The following GRID1 variants were observed in gnomAD, a reference collection of about 807,000 sequenced individuals.
GRID1 encodes glutamate ionotropic receptor delta type subunit 1.
In GRID1, 28 loss-of-function variants were observed where a neutral mutation model predicts 98.0. The ratio of observed to expected loss-of-function variants is 0.29; its 90% confidence interval spans 0.21 to 0.39. The LOEUF is 0.39. GRID1 is among the 10% of genes least tolerant of loss of function. GRID1 has a pLI of 1.00. For missense variants in GRID1, 1,111 were observed against 1,340.5 expected (o/e 0.83, Z 2.67); for synonymous variants, 553 against 538.5 (o/e 1.03, Z -0.37).
chr10:85,645,122 T>C (rs1319328067), intron 13 of GRID1, among the ~76,000 whole-genome samples: 1 of 152,204 alleles, frequency 6.6e-6, no homozygotes. Flanking sequence ...TTGTAATGAA[T>C]AGAACTTTAA....
intron 4 of GRID1, among the ~76,000 whole-genome samples, chr10:85,950,274 G>A (rs1030746671): frequency 6.6e-6 from 1 of 152,140 alleles, no homozygotes; most frequent in Non-Finnish European, 1.5e-5. Flanking sequence ...AAGCAGTGGA[G>A]GAAATGCCGC....
chr10:85,692,769 A>C (rs542399386), intron 12 of GRID1, among the ~76,000 whole-genome samples: 27 of 152,322 alleles, frequency 1.8e-4, no homozygotes, highest in Non-Finnish European at 2.9e-4. Context: ...ATAGAAAATC[A>C]TAAGAAAAAA....
At chr10:85,926,881 G>T (rs1841781408) in intron 4 of GRID1, among the ~76,000 whole-genome samples, 1 of 152,160 alleles carries the variant, frequency 6.6e-6, no homozygotes, top group Non-Finnish European at 1.5e-5. Flanking sequence ...TAGCCATAAA[G>T]ATTTCTTAAT....
chr10:86,319,959 A>G (rs142637700), intron 2 of GRID1, among the ~76,000 whole-genome samples: 3 of 152,384 alleles, frequency 2.0e-5, no homozygotes, highest in East Asian at 1.9e-4. Context: ...ATGCAATTAC[A>G]TGTTCAAACC....
At position 85,664,320 on chromosome 10, in the gene GRID1, C is replaced by T. The variant is rs370674253; in HGVS notation, c.1998-16923G>A. 1.2e-4 allele frequency among the ~76,000 whole-genome samples: 19 copies of T among 152,214 alleles called. No individual in the cohort carries two copies. In the South Asian group the frequency reaches 2.3e-3, roughly 18 times the overall value. On this transcript the variant is annotated intron_variant, in intron 12 of 15. Transcript: ENST00000327946. ...TCTATTGTCCAATGAGGAACCCAGG[C>T]ATATGAGATAGGTGACTTGTCTGTG...
chr10:85,988,922 G>A (rs1324293828), intron 4 of GRID1, among the ~76,000 whole-genome samples: 1 of 152,212 alleles, frequency 6.6e-6, no homozygotes, highest in Non-Finnish European at 1.5e-5. Context: ...GAGGAGGCAG[G>A]GCACACCTTT....
chr10:85,780,605 C>G (rs1018738926), intron 8 of GRID1, among the ~76,000 whole-genome samples: 3 of 152,192 alleles, frequency 2.0e-5, no homozygotes, highest in Non-Finnish European at 4.4e-5. Context: ...TTTCGAAATG[C>G]CTGGCACACC....
At chr10:86,302,234 C>T (rs943959580) in intron 2 of GRID1, among the ~76,000 whole-genome samples, 8 of 152,240 alleles carry the variant, frequency 5.3e-5, no homozygotes, top group Non-Finnish European at 7.3e-5. Flanking sequence ...AGACTCACTC[C>T]ACAGGGGCCA....
chr10:85,885,039 GA>G (rs1448185125), intron 5 of GRID1, among the ~76,000 whole-genome samples: 1 of 152,126 alleles, frequency 6.6e-6, no homozygotes, highest in South Asian at 2.1e-4. Flanking sequence ...TAAAATATGA[GA>G]AATTGCTTCA....
At chr10:86,305,138 G>A (rs2132084396) in intron 2 of GRID1, among the ~76,000 whole-genome samples, 1 of 151,588 alleles carries the variant, frequency 6.6e-6, no homozygotes, top group Admixed American at 6.6e-5. Flanking sequence ...TGTCCCCTGA[G>A]GAAGAAAGAA....
At chr10:85,706,750 G>A (rs1414634708) in intron 12 of GRID1, among the ~76,000 whole-genome samples, 2 of 152,120 alleles carry the variant, frequency 1.3e-5, no homozygotes, top group African/African-American at 4.8e-5. Context: ...CATGGTACTG[G>A]TACCAAAACA....
At chr10:85,816,616 C>T (rs554263924) in intron 8 of GRID1, among the ~76,000 whole-genome samples, 33 of 152,268 alleles carry the variant, frequency 2.2e-4, no homozygotes, top group African/African-American at 7.9e-4. Flanking sequence ...ATACATGACA[C>T]TGTGCATTTG....
chr10:85,988,261 G>T (rs138814786), intron 4 of GRID1, among the ~76,000 whole-genome samples: 1 of 152,130 alleles, frequency 6.6e-6, no homozygotes, highest in African/African-American at 2.4e-5. Flanking sequence ...TGATTAATCT[G>T]TCTGATCCTC....
At chr10:86,288,065 A>G (rs1245870076) in intron 2 of GRID1, among the ~76,000 whole-genome samples, 1 of 152,184 alleles carries the variant, frequency 6.6e-6, no homozygotes, top group Non-Finnish European at 1.5e-5. Flanking sequence ...CTCCTGGGGA[A>G]AAGGCAGCAG....
At chr10:85,607,276 T>C (rs1842680634) in intron 15 of GRID1, 1 of 152,262 alleles carries the variant, frequency 6.6e-6, no homozygotes, top group South Asian at 2.1e-4. Flanking sequence ...GAACAGACTT[T>C]GCTTGGAGTC....
chr10:85,853,313 C>T (rs1262837558), intron 8 of GRID1, among the ~76,000 whole-genome samples: 2 of 152,240 alleles, frequency 1.3e-5, no homozygotes, highest in Non-Finnish European at 2.9e-5. Context: ...CCAATGGTGA[C>T]ATCAGGCTAG....
chr10:85,993,647 GAGA>G lies in GRID1; in HGVS notation c.727-77411_727-77409del, dbSNP rs1421560946. 7.2e-5 allele frequency among the ~76,000 whole-genome samples: 11 copies of G among 152,268 alleles called. No individual in the cohort carries two copies. The East Asian group carries it at 1.2e-3, about 16-fold the overall frequency. ...AGCCAGGGCCCATGACTAGTAATAAGAGAAGAAGAAGGAGAAGAAAATGATGAA... is the reference window on the plus strand; with the variant it reads ...AGCCAGGGCCCATGACTAGTAATAAGAGAAGAAGGAGAAGAAAATGATGAA... On this transcript the variant is annotated intron_variant, in intron 4 of 15. Coordinates refer to ENST00000327946, the MANE Select transcript of GRID1 (RefSeq NM_017551.3).
Position 86,264,653 on chromosome 10 carries a change from G to A in GRID1, c.236-58005C>T, listed in dbSNP as rs1317781720. 8 of 465,400 alleles carry A rather than the reference G, an allele frequency of 1.7e-5. No individual in the cohort carries two copies. The East Asian group carries it at 4.8e-4, about 28-fold the overall frequency. 28.8% of individuals were successfully genotyped at this position (465,400 alleles called of 1,614,324 possible). A position where few individuals can be genotyped will look rare whatever the true frequency, so the allele number is the denominator to read the frequency against. ...GGAGGTAGGTTGGGAGCGAAGTGGT[G>A]AGTCTGTAACCAGAGAGAAGAGCCA... On this transcript the variant is annotated intron_variant, in intron 2 of 15. Coordinates refer to ENST00000327946, the MANE Select transcript of GRID1 (RefSeq NM_017551.3).
chr10:85,930,572 CT>C (rs937465629), intron 4 of GRID1, among the ~76,000 whole-genome samples: 1 of 151,924 alleles, frequency 6.6e-6, no homozygotes, highest in Non-Finnish European at 1.5e-5. Flanking sequence ...CCTTTCTGCT[CT>C]GCTGGTTGGA....
Sources: gnomAD v4.1 joint callset for allele counts (sites outside exome capture counted in the v4.1 genomes callset) on GRCh38, gnomAD v4.1.1 for gene constraint, MANE v1.5 for transcripts, NCBI Gene and HGNC (gene_info 2026-07-23, HGNC 2026-07-21) for gene names.